Variants in PCDH9 observed in about 807,000 individuals in gnomAD.
PCDH9 encodes protocadherin 9.
A neutral mutation model predicts 70.6 loss-of-function variants in PCDH9; 24 were observed. The ratio of observed to expected loss-of-function variants is 0.34; its 90% CI spans 0.25 to 0.48. The LOEUF (loss-of-function observed/expected upper bound fraction) is 0.48, where lower values mean the gene tolerates loss of function less well. PCDH9 is among the 20% of genes least tolerant of loss of function. The pLI is 0.99. For synonymous variants in PCDH9, 562 were observed against 558.5 expected (o/e 1.01, Z -0.09); for missense variants, 1,281 against 1,503.6 (o/e 0.85, Z 2.45).
intron 4 of PCDH9, among the ~76,000 whole-genome samples, chr13:66,599,711 C>G (rs1339833593): frequency 1.3e-5 from 2 of 151,718 alleles, no homozygotes; most frequent in African/African-American, 4.8e-5. Flanking sequence ...CAGCCTCAGC[C>G]TCCCGAGTAG....
intron 3 of PCDH9, among the ~76,000 whole-genome samples, chr13:66,677,982 C>T (rs913758579): frequency 2.6e-5 from 4 of 152,128 alleles, no homozygotes; most frequent in Middle Eastern, 3.2e-3. Context: ...TTATAAAAAA[C>T]AATTTCAGCT....
At chr13:67,142,595 G>C (rs1039620828) in intron 2 of PCDH9, among the ~76,000 whole-genome samples, 3 of 152,168 alleles carry the variant, frequency 2.0e-5, no homozygotes, top group African/African-American at 7.2e-5. Flanking sequence ...CAACCTTTGA[G>C]AGTGTATAGT....
intron 2 of PCDH9, among the ~76,000 whole-genome samples, chr13:67,032,339 T>C (rs2084925068): frequency 6.6e-6 from 1 of 151,844 alleles, no homozygotes; most frequent in South Asian, 2.1e-4. Context: ...TTTTTTTGCA[T>C]TTTTTGTAGA....
At chr13:66,952,491 C>T (rs1227266447) in intron 2 of PCDH9, among the ~76,000 whole-genome samples, 5 of 151,990 alleles carry the variant, frequency 3.3e-5, no homozygotes, top group Non-Finnish European at 2.9e-5. Context: ...TCCTCTCATC[C>T]AAAATAAATT....
chr13:66,374,574 A>G (rs1029906030), intron 4 of PCDH9, among the ~76,000 whole-genome samples: 1 of 151,962 alleles, frequency 6.6e-6, no homozygotes, highest in Admixed American at 6.6e-5. Flanking sequence ...CATTTTTTAA[A>G]TGAGGACGTT....
intron 4 of PCDH9, among the ~76,000 whole-genome samples, chr13:66,358,348 TG>T (rs1566267214): frequency 6.6e-6 from 1 of 151,978 alleles, no homozygotes; most frequent in Non-Finnish European, 1.5e-5. Context: ...AACTACTTAA[TG>T]TCTTAGAAGT....
intron 2 of PCDH9, among the ~76,000 whole-genome samples, chr13:67,015,758 C>A (rs1004054446): frequency 6.6e-6 from 1 of 152,134 alleles, no homozygotes; most frequent in Middle Eastern, 3.2e-3. Context: ...AATCTCTGTC[C>A]TTGCATAATT....
At chr13:66,890,437 A>T (rs1244409788) in intron 3 of PCDH9, among the ~76,000 whole-genome samples, 3 of 147,318 alleles carry the variant, frequency 2.0e-5, no homozygotes, top group African/African-American at 5.0e-5. Flanking sequence ...TCCTAACTGT[A>T]GACTTCTGAA....
chr13:66,974,038 A>T (rs942017483), intron 2 of PCDH9, among the ~76,000 whole-genome samples: 2 of 151,970 alleles, frequency 1.3e-5, no homozygotes, highest in African/African-American at 4.8e-5. Context: ...GTGATAAAGG[A>T]TCCACTATGT....
chr13:66,459,377 G>A (rs1017241475), intron 4 of PCDH9, among the ~76,000 whole-genome samples: 3 of 151,910 alleles, frequency 2.0e-5, no homozygotes, highest in South Asian at 2.1e-4. Context: ...TAAGATCTCC[G>A]GATGAAAAAC....
intron 4 of PCDH9, among the ~76,000 whole-genome samples, chr13:66,524,509 C>G (rs1960131569): frequency 6.6e-6 from 1 of 152,028 alleles, no homozygotes; most frequent in Admixed American, 6.6e-5. Context: ...TACTGACAAA[C>G]CTGGCAAATT....
intron 3 of PCDH9, among the ~76,000 whole-genome samples, chr13:66,652,704 T>A (rs1396387303): frequency 6.6e-6 from 1 of 152,084 alleles, no homozygotes; most frequent in Admixed American, 6.5e-5. Context: ...ACTGGAGGAA[T>A]CACATTATCT....
intron 2 of PCDH9, among the ~76,000 whole-genome samples, chr13:67,166,749 AT>A (rs1342809879): frequency 6.6e-6 from 1 of 152,170 alleles, no homozygotes; most frequent in Non-Finnish European, 1.5e-5. Flanking sequence ...AAAACGTATA[AT>A]GTTGGAATAA....
intron 1 of PCDH9, among the ~76,000 whole-genome samples, chr13:67,229,077 C>T (rs1468568250): frequency 1.3e-5 from 2 of 152,204 alleles, no homozygotes; most frequent in Non-Finnish European, 2.9e-5. Flanking sequence ...CTTCAACTGC[C>T]TTCTAATACA....
chr13:66,557,911 C>T (rs576273104), intron 4 of PCDH9, among the ~76,000 whole-genome samples: 20 of 152,144 alleles, frequency 1.3e-4, no homozygotes, highest in Admixed American at 6.5e-4. Context: ...CAACAGTTTG[C>T]GAGGCCAAGA....
chr13:66,829,931 A>G (rs2080896618), intron 3 of PCDH9, among the ~76,000 whole-genome samples: 1 of 130,248 alleles, frequency 7.7e-6, no homozygotes, highest in Admixed American at 8.5e-5. Flanking sequence ...TAAAAATTAT[A>G]TAAAAGAATA....
intron 2 of PCDH9, chr13:67,221,754 G>C (rs1015171756): frequency 6.6e-6 from 1 of 152,060 alleles, no homozygotes; most frequent in Non-Finnish European, 1.5e-5. Context: ...CTGTCAACTG[G>C]GTTGGGAAAC....
chr13:66,750,935 G>C (rs532934980), intron 3 of PCDH9, among the ~76,000 whole-genome samples: 1 of 152,250 alleles, frequency 6.6e-6, no homozygotes, highest in Admixed American at 6.5e-5. Context: ...GTAAGACTTA[G>C]TGAGTACAGC....
intron 4 of PCDH9, among the ~76,000 whole-genome samples, chr13:66,533,046 C>A (rs1440369716): frequency 1.3e-5 from 2 of 152,152 alleles, no homozygotes; most frequent in Non-Finnish European, 2.9e-5. Context: ...GAGGAAGCCA[C>A]TTATGTGCCC....
Sources: allele counts gnomAD v4.1 joint callset (sites outside exome capture counted in the v4.1 genomes callset), GRCh38; gene constraint gnomAD v4.1.1; transcripts MANE v1.5; gene names NCBI Gene and HGNC (gene_info 2026-07-23, HGNC 2026-07-21).